Variants in KAT6A observed in about 807,000 individuals in gnomAD.
The protein encoded by KAT6A is histone acetyltransferase KAT6A.
KAT6A carries 9 observed loss-of-function variants against 198.4 expected under a neutral mutation model. That is an observed-to-expected ratio of 0.05 (90% CI 0.03 to 0.08). The LOEUF (loss-of-function observed/expected upper bound fraction) is 0.08. Among genes scored for constraint, KAT6A ranks in the 10% least tolerant of loss-of-function variants. KAT6A has a pLI of 1.00. For synonymous variants in KAT6A, 890 were observed against 883.0 expected (o/e 1.01, Z -0.14); for missense variants, 2,077 against 2,509.9 (o/e 0.83, Z 3.69).
chr8:41,987,037 C>G (rs918079699), intron 3 of KAT6A, among the ~76,000 whole-genome samples: 2 of 152,084 alleles, frequency 1.3e-5, no homozygotes, highest in African/African-American at 4.8e-5. Flanking sequence ...GACTCTGTCT[C>G]AAAAACAAAC....
At chr8:41,955,198 G>A in intron 9 of KAT6A, 98 bp downstream of exon 9, 1 of 759,694 alleles carries the variant, frequency 1.3e-6, no homozygotes, top group Non-Finnish European at 2.2e-6. Context: ...TTCCTCAAAT[G>A]TAAAGGATAA....
At chr8:42,021,994 T>C (rs1349208649) in intron 2 of KAT6A, among the ~76,000 whole-genome samples, 3 of 152,112 alleles carry the variant, frequency 2.0e-5, no homozygotes, top group Non-Finnish European at 2.9e-5. Context: ...ACAATTTCAG[T>C]TTATCTCAAC....
intron 9 of KAT6A, among the ~76,000 whole-genome samples, chr8:41,954,222 A>C (rs1047153757): frequency 6.6e-5 from 10 of 152,228 alleles, no homozygotes; most frequent in African/African-American, 2.4e-4. Context: ...AAAAAGTAAA[A>C]AGATAAATAA....
chr8:41,990,538 G>A (rs1824883521), intron 2 of KAT6A, among the ~76,000 whole-genome samples: 3 of 152,104 alleles, frequency 2.0e-5, no homozygotes, highest in African/African-American at 7.2e-5. Context: ...CAACAGAGAT[G>A]GCAAAGACTT....
intron 10 of KAT6A, among the ~76,000 whole-genome samples, chr8:41,948,293 T>C (rs1822495754): frequency 1.3e-5 from 2 of 152,212 alleles, no homozygotes; most frequent in Non-Finnish European, 2.9e-5. Context: ...AAAATACATT[T>C]ATTAGGTAAA....
rs571703102 is a variant in KAT6A at position 41,988,540 on chromosome 8, C to T, written c.601-977G>A. 4.1e-4 allele frequency among the ~76,000 whole-genome samples: 63 copies of T among 152,100 alleles called. No homozygotes were observed. In the South Asian group the frequency reaches 4.8e-3, roughly 12 times the overall value. On this transcript the variant is annotated intron_variant, in intron 2 of 16. Transcript: ENST00000265713. Reference sequence around the variant, plus strand: ...TTATTGTAGCAATATCAAAGACAAACGGGGAAAACTCCAAAGATAGGTAAA... The same window carrying T: ...TTATTGTAGCAATATCAAAGACAAATGGGGAAAACTCCAAAGATAGGTAAA...
intron 8 of KAT6A, among the ~76,000 whole-genome samples, chr8:41,965,164 A>G (rs932308634): frequency 6.6e-6 from 1 of 152,232 alleles, no homozygotes; most frequent in Non-Finnish European, 1.5e-5. Flanking sequence ...ACAGGTACAC[A>G]TCAGAATTGT....
chr8:41,987,658 T>G, intron 2 of KAT6A, 95 bp from the exon 3 acceptor site: 1 of 796,328 alleles, frequency 1.3e-6, no homozygotes, highest in African/African-American at 1.7e-5. Flanking sequence ...CCTACCAGAG[T>G]AAGTTTAGGA....
At chr8:41,994,016 T>C (rs1825070039) in intron 2 of KAT6A, among the ~76,000 whole-genome samples, 1 of 152,176 alleles carries the variant, frequency 6.6e-6, no homozygotes, top group Non-Finnish European at 1.5e-5. Context: ...CTGATTTCAA[T>C]TGCTCTGTAT....
At chr8:41,986,664 A>T (rs1357393451) in intron 3 of KAT6A, among the ~76,000 whole-genome samples, 1 of 152,208 alleles carries the variant, frequency 6.6e-6, no homozygotes, top group Non-Finnish European at 1.5e-5. Context: ...TCCCTAGTAC[A>T]GAAGCTCATC....
At chr8:41,976,960 T>C (rs1824083940) in intron 7 of KAT6A, 48 bp downstream of exon 7, 1 of 1,386,870 alleles carries the variant, frequency 7.2e-7, no homozygotes, top group Non-Finnish European at 9.9e-7. Flanking sequence ...TCCCGAATAA[T>C]ACATGTACAG....
At chr8:42,019,274 T>G (rs1413946501) in intron 2 of KAT6A, among the ~76,000 whole-genome samples, 1 of 152,180 alleles carries the variant, frequency 6.6e-6, no homozygotes, top group African/African-American at 2.4e-5. Flanking sequence ...TATATACAAC[T>G]CCAAGAAAAT....
At chr8:41,952,613 G>A (rs1427797113) in intron 9 of KAT6A, among the ~76,000 whole-genome samples, 1 of 152,142 alleles carries the variant, frequency 6.6e-6, no homozygotes, top group Non-Finnish European at 1.5e-5. Flanking sequence ...CGTTTTTCTT[G>A]TGATCTTTGC....
intron 2 of KAT6A, among the ~76,000 whole-genome samples, chr8:42,045,517 G>C (rs1802187390): frequency 1.4e-5 from 2 of 147,608 alleles, no homozygotes; most frequent in South Asian, 4.3e-4. Context: ...AGCCAAGATC[G>C]TGCCACTGCA....
Position 41,971,384 on chromosome 8 carries a change from G to A in KAT6A, c.1482+3320C>T, listed in dbSNP as rs1423368463. Among the ~76,000 whole-genome samples the A allele has an allele frequency of 2.0e-5, 3 of 152,266 alleles. No homozygotes were observed. In the East Asian group the frequency reaches 5.8e-4, roughly 29 times the overall value. On this transcript the variant is annotated intron_variant, in intron 8 of 16. Transcript: ENST00000265713. ...CTGTAAGCTATTTTCGTGTGGATAT[G>A]AGCAAGACCTAAATGGAATGGGCAG... is the stretch of plus-strand genomic sequence containing the variant.
At chr8:42,003,737 G>A (rs1825609367) in intron 2 of KAT6A, among the ~76,000 whole-genome samples, 1 of 152,154 alleles carries the variant, frequency 6.6e-6, no homozygotes. Flanking sequence ...TATTTGGAGA[G>A]AAGGCCTTTA....
intron 2 of KAT6A, among the ~76,000 whole-genome samples, chr8:42,009,907 AAAAAAAAC>A (rs1825935786): frequency 1.4e-5 from 2 of 138,300 alleles, no homozygotes; most frequent in African/African-American, 2.7e-5. Flanking sequence ...AAAAAAAAAA[AAAAAAAAC>A]AAAAAAAAAC....
chr8:42,002,944 T>G (rs185566518), intron 2 of KAT6A, among the ~76,000 whole-genome samples: 11 of 152,308 alleles, frequency 7.2e-5, no homozygotes, highest in Admixed American at 2.0e-4. Flanking sequence ...AAAGTGAATT[T>G]CAGGGAGGCT....
In KAT6A at chr8:42,038,044, T is replaced by C. The variant is rs182535723; in HGVS notation, c.600+10334A>G. ...ACTTTTGGTCCACCCATATTTAATG[T>C]CTTTGGTAAAAATTACTTCATTAAT... On this transcript the variant is annotated intron_variant, in intron 2 of 16. Coordinates refer to ENST00000265713, the MANE Select transcript of KAT6A (RefSeq NM_006766.5). Among the ~76,000 whole-genome samples the C allele has an allele frequency of 1.5e-3, 227 of 152,304 alleles. No homozygotes were observed. The South Asian group carries it at 0.016, about 11-fold the overall frequency.
Sources: gnomAD v4.1 joint callset for allele counts (sites outside exome capture counted in the v4.1 genomes callset) on GRCh38, gnomAD v4.1.1 for gene constraint, MANE v1.5 for transcripts, NCBI Gene and HGNC (gene_info 2026-07-23, HGNC 2026-07-21) for gene names.